GOSR1: variants seen among roughly 807,000 people sequenced by gnomAD.
GOSR1 encodes the protein golgi SNAP receptor complex member 1, also known as 28 kDa Golgi SNARE protein.
Under a neutral mutation model 35.5 loss-of-function variants are expected in GOSR1, and 21 were observed. That is an observed-to-expected ratio of 0.59 (90% CI 0.42 to 0.85). The LOEUF is 0.85. Among genes scored for constraint, GOSR1 ranks in the 40% least tolerant of loss-of-function variants. The probability of loss-of-function intolerance (pLI) is 0.00; values close to 1 mark genes in which losing one functional copy is unlikely to be tolerated. For missense variants in GOSR1, 285 were observed against 309.6 expected (o/e 0.92, Z 0.60); for synonymous variants, 94 against 106.6 (o/e 0.88, Z 0.73).
At chr17:30,520,059 G>A (rs758088591) in intron 8 of GOSR1, 38 bp downstream of exon 8, 69 of 1,300,052 alleles carry the variant, frequency 5.3e-5, no homozygotes, top group Non-Finnish European at 6.9e-5. Context: ...TGTTTTGAGG[G>A]TAGAGGGGAG....
intron 7 of GOSR1, among the ~76,000 whole-genome samples, chr17:30,516,200 G>A (rs1009305656): frequency 1.3e-5 from 2 of 152,178 alleles, no homozygotes; most frequent in Non-Finnish European, 2.9e-5. Context: ...GCCGGGCGCG[G>A]TGGCTCACGC....
chr17:30,485,087 A>C (rs1020033229), intron 4 of GOSR1: 4 of 389,140 alleles, frequency 1.0e-5, no homozygotes, highest in East Asian at 6.0e-5. Context: ...ATAGACAATA[A>C]CGTGGTGGGT....
intron 6 of GOSR1, among the ~76,000 whole-genome samples, chr17:30,509,907 T>C (rs1213312018): frequency 6.6e-6 from 1 of 152,184 alleles, no homozygotes; most frequent in African/African-American, 2.4e-5. Flanking sequence ...TCTCAACAAG[T>C]TGGTTCTGAT....
chr17:30,517,853 T>A (rs917208979), intron 7 of GOSR1, among the ~76,000 whole-genome samples: 7 of 152,204 alleles, frequency 4.6e-5, no homozygotes, highest in African/African-American at 1.7e-4. Flanking sequence ...CTTCTAGCAT[T>A]TCCCTTCAAT....
intron 5 of GOSR1, among the ~76,000 whole-genome samples, chr17:30,492,167 A>C (rs546794577): frequency 2.0e-5 from 3 of 152,326 alleles, no homozygotes; most frequent in Non-Finnish European, 4.4e-5. Context: ...TTTTTTTGTC[A>C]ACTTCAATAC....
chr17:30,500,938 T>A (rs942846586), intron 6 of GOSR1, among the ~76,000 whole-genome samples: 4 of 150,858 alleles, frequency 2.7e-5, no homozygotes, highest in Non-Finnish European at 5.9e-5. Flanking sequence ...TGGAGTGCAG[T>A]GGCGGGATCT....
intron 6 of GOSR1, among the ~76,000 whole-genome samples, chr17:30,494,454 C>A (rs554065896): frequency 6.6e-6 from 1 of 152,200 alleles, no homozygotes; most frequent in South Asian, 2.1e-4. Flanking sequence ...TTGATACATT[C>A]TCATAGGGTT....
chr17:30,480,455 A>G (rs1914261727), intron 1 of GOSR1, among the ~76,000 whole-genome samples: 1 of 152,234 alleles, frequency 6.6e-6, no homozygotes, highest in Admixed American at 6.5e-5. Flanking sequence ...GTAAGTTGAT[A>G]ATGCTGGTCA....
chr17:30,497,586 G>A (rs952564391), intron 6 of GOSR1, among the ~76,000 whole-genome samples: 1 of 152,174 alleles, frequency 6.6e-6, no homozygotes, highest in Non-Finnish European at 1.5e-5. Flanking sequence ...TGGAGTAGAC[G>A]AATTCTAAAA....
intron 6 of GOSR1, among the ~76,000 whole-genome samples, chr17:30,506,999 GAA>G (rs991669845): frequency 1.3e-5 from 2 of 151,840 alleles, no homozygotes; most frequent in African/African-American, 4.8e-5. Context: ...CTACTGCTCA[GAA>G]AAAAAAGAAT....
Position 30,481,261 on chromosome 17 carries a change from T to C in GOSR1, c.146+4T>C. On this transcript the variant is annotated splice_donor_region_variant and intron_variant, in intron 2 of 8. Transcript: ENST00000451249. ...CCCGAGATGGAAGACGCGACAGGTA[T>C]AGGTACTACCAGATTCTGTCTCCTA... 6.2e-7 allele frequency: 1 copy of C among 1,604,502 alleles called. No homozygotes were observed. The highest frequency in any genetic ancestry group is 8.5e-7 in the Non-Finnish European group (1 of 1,171,366).
At chr17:30,499,997 G>A (rs780935953) in intron 6 of GOSR1, among the ~76,000 whole-genome samples, 1 of 152,148 alleles carries the variant, frequency 6.6e-6, no homozygotes, top group Non-Finnish European at 1.5e-5. Flanking sequence ...TAGTAAGGGG[G>A]TCTGTTCAAG....
chr17:30,518,181 G>A (rs945997964), intron 7 of GOSR1, among the ~76,000 whole-genome samples: 1 of 152,146 alleles, frequency 6.6e-6, no homozygotes, highest in Non-Finnish European at 1.5e-5. Flanking sequence ...GGAAGCCCTA[G>A]GTCTTTGCCT....
At chr17:30,495,026 A>G (rs1245843097) in intron 6 of GOSR1, among the ~76,000 whole-genome samples, 3 of 151,446 alleles carry the variant, frequency 2.0e-5, no homozygotes, top group Admixed American at 6.6e-5. Flanking sequence ...CATCTCTACT[A>G]AAAATACAAA....
chr17:30,495,867 T>A (rs1226520959), intron 6 of GOSR1, among the ~76,000 whole-genome samples: 3 of 152,222 alleles, frequency 2.0e-5, no homozygotes, highest in Non-Finnish European at 4.4e-5. Flanking sequence ...TCATACAGAT[T>A]AACTCTGTTT....
chr17:30,498,059 A>AC (rs386385885), intron 6 of GOSR1, among the ~76,000 whole-genome samples: 2 of 48 alleles, frequency 0.042, no homozygotes, highest in African/African-American at 0.062. Context: ...CTCCATCTCC[A>AC]AAAAAAAAAA....
chr17:30,495,516 T>C, intron 6 of GOSR1: 1 of 447,856 alleles, frequency 2.2e-6, no homozygotes, highest in Non-Finnish European at 4.5e-6. Context: ...TTAATGCCAG[T>C]GGTCATCACC....
chr17:30,479,350 T>C (rs1914180751), intron 1 of GOSR1: 1 of 152,274 alleles, frequency 6.6e-6, no homozygotes, highest in Admixed American at 6.5e-5. Context: ...CACGCAACCC[T>C]TAGATGCCAG....
chr17:30,503,648 A>G lies in GOSR1; in HGVS notation c.510-7232A>G, dbSNP rs559172718. Among the ~76,000 whole-genome samples the G allele has an allele frequency of 1.4e-4, 22 of 152,344 alleles. 1 individual carries two copies. The South Asian group carries it at 4.6e-3, about 32-fold the overall frequency. ...TTATTTGGTCTTAGCCAAATGAGTA[A>G]AGACCTGGAGACTGGGCAATTTGAG... On this transcript the variant is annotated intron_variant, in intron 6 of 8. Coordinates refer to ENST00000451249, the MANE Select transcript of GOSR1 (RefSeq NM_001007025.2).
Sources: allele counts gnomAD v4.1 joint callset (sites outside exome capture counted in the v4.1 genomes callset), GRCh38; gene constraint gnomAD v4.1.1; transcripts MANE v1.5; gene names NCBI Gene and HGNC (gene_info 2026-07-23, HGNC 2026-07-21).